Variants in ULK4 observed in about 807,000 individuals in gnomAD.
ULK4 encodes unc-51 like kinase 4.
ULK4 carries 133 observed loss-of-function variants against 160.6 expected under a neutral mutation model. The ratio of observed to expected loss-of-function variants is 0.83; its 90% confidence interval spans 0.72 to 0.96. ULK4 has a LOEUF of 0.96. Ranked by LOEUF, ULK4 falls within the 40% of genes least tolerant of loss-of-function variation. The probability of loss-of-function intolerance (pLI) is 0.00; values close to 1 mark genes in which losing one functional copy is unlikely to be tolerated. For synonymous variants in ULK4, 534 were observed against 539.8 expected (o/e 0.99, Z 0.15); for missense variants, 1,580 against 1,499.5 (o/e 1.05, Z -0.89).
At chr3:41,662,294 C>T (rs899447399) in intron 30 of ULK4, among the ~76,000 whole-genome samples, 10 of 152,124 alleles carry the variant, frequency 6.6e-5, no homozygotes, top group African/African-American at 9.7e-5. Context: ...TAGGGCTCCC[C>T]GGATTCTTTT....
Position 41,705,065 on chromosome 3 carries a change from G to A in ULK4, c.2773C>T (p.Arg925Cys), listed in dbSNP as rs200908650. Residue 925 changes from arginine to cysteine, a missense_variant, in exon 27 of 37, where the codon CGC (arginine) becomes TGC (cysteine). By Grantham distance (180) the Arg-to-Cys change is radical. Coordinates refer to ENST00000301831, the MANE Select transcript of ULK4 (RefSeq NM_017886.4). ...AAGCTGCCAGAACTGACCGTGGAGC[G>A]ATAGTCTTTCAATAAAATAGGATAC... ...IQYPILLKDY[R>C]STVVDYILPP... The A allele has an allele frequency of 4.1e-5, 66 of 1,610,454 alleles. No individual in the cohort carries two copies. Among genetic ancestry groups the A allele is most frequent in the Middle Eastern group, 3.3e-4 (2 of 6,014 alleles).
At chr3:41,402,731 C>T (rs975102860) in intron 34 of ULK4, among the ~76,000 whole-genome samples, 2 of 152,164 alleles carry the variant, frequency 1.3e-5, no homozygotes, top group African/African-American at 4.8e-5. Flanking sequence ...TCTCTTTATA[C>T]ATTGATGTAT....
At chr3:41,341,171 G>T (rs1243913089) in intron 35 of ULK4, among the ~76,000 whole-genome samples, 2 of 152,136 alleles carry the variant, frequency 1.3e-5, no homozygotes, top group Non-Finnish European at 2.9e-5. Context: ...GCTAATAATC[G>T]TCCACTAAAC....
At chr3:41,868,319 AT>A (rs1435755506) in intron 17 of ULK4, among the ~76,000 whole-genome samples, 1 of 152,124 alleles carries the variant, frequency 6.6e-6, no homozygotes, top group Non-Finnish European at 1.5e-5. Context: ...ATGAACTGAA[AT>A]TTTCATTATT....
intron 35 of ULK4, among the ~76,000 whole-genome samples, chr3:41,390,212 G>A (rs979325055): frequency 3.3e-5 from 5 of 152,214 alleles, no homozygotes; most frequent in African/African-American, 1.2e-4. Flanking sequence ...GGGATTGGTG[G>A]TGATATCCCC....
chr3:41,641,212 G>C (rs1217550176), intron 30 of ULK4, among the ~76,000 whole-genome samples: 2 of 152,160 alleles, frequency 1.3e-5, no homozygotes, highest in Admixed American at 6.5e-5. Context: ...ATCAGCCCTG[G>C]TGCAGCAGTG....
At chr3:41,577,820 T>C (rs1256352) in intron 31 of ULK4, among the ~76,000 whole-genome samples, 65,237 of 152,098 alleles carry the variant, frequency 0.43, 15,217 homozygotes, top group Middle Eastern at 0.53. Context: ...TCAGGGCTTA[T>C]AGAGTCAAAG....
In ULK4 at chr3:41,907,900, CT is replaced by C; in HGVS notation, c.1126del (p.Ser376ValfsTer6). 5.6e-6 allele frequency: 9 copies of C among 1,606,642 alleles called. No homozygotes were observed. The highest frequency in any genetic ancestry group is 5.1e-6 in the Non-Finnish European group (6 of 1,176,890). On this transcript the variant is annotated frameshift_variant, in exon 12 of 37. Coordinates refer to ENST00000301831, the MANE Select transcript of ULK4 (RefSeq NM_017886.4). LOFTEE classifies it high-confidence loss of function. ...TPRTSTAVEV[S>X]PGEDMTHCSP... Reference sequence around the variant, plus strand: ...ACAGTGAGTCATATCCTCACCAGGACTTACTTCCACTGCAGTGCTAGTTCTG... The same window carrying C: ...ACAGTGAGTCATATCCTCACCAGGACTACTTCCACTGCAGTGCTAGTTCTG...
chr3:41,247,387 G>A (rs1281708555), intron 36 of ULK4, among the ~76,000 whole-genome samples: 1 of 152,222 alleles, frequency 6.6e-6, no homozygotes, highest in Non-Finnish European at 1.5e-5. Flanking sequence ...GCCCTTTCCA[G>A]CCAATCAGCC....
intron 34 of ULK4, among the ~76,000 whole-genome samples, chr3:41,436,116 A>G (rs2083032061): frequency 6.6e-6 from 1 of 152,216 alleles, no homozygotes; most frequent in Admixed American, 6.5e-5. Context: ...TTTCACTTTC[A>G]ATACAGTAGT....
intron 18 of ULK4, among the ~76,000 whole-genome samples, chr3:41,828,839 T>A (rs1446350229): frequency 6.6e-6 from 1 of 152,028 alleles, no homozygotes; most frequent in Non-Finnish European, 1.5e-5. Flanking sequence ...CATTGCCAAG[T>A]CAATCCTAAG....
intron 30 of ULK4, among the ~76,000 whole-genome samples, chr3:41,642,147 T>G (rs1315772641): frequency 6.6e-6 from 1 of 152,164 alleles, no homozygotes; most frequent in Admixed American, 6.5e-5. Context: ...GTGCCAGGAT[T>G]ACAGGCGTGA....
At chr3:41,701,841 T>C (rs556264338) in intron 27 of ULK4, among the ~76,000 whole-genome samples, 1 of 152,254 alleles carries the variant, frequency 6.6e-6, no homozygotes, top group South Asian at 2.1e-4. Flanking sequence ...AGAAAGTTTC[T>C]TTTTAAGTTT....
At chr3:41,898,141 A>T (rs1698232262) in intron 14 of ULK4, among the ~76,000 whole-genome samples, 1 of 152,166 alleles carries the variant, frequency 6.6e-6, no homozygotes, top group Admixed American at 6.5e-5. Context: ...GCTCTAAGGG[A>T]AGGGAGGAGA....
At chr3:41,469,025 T>G (rs1329954239) in intron 32 of ULK4, among the ~76,000 whole-genome samples, 1 of 152,134 alleles carries the variant, frequency 6.6e-6, no homozygotes, top group Non-Finnish European at 1.5e-5. Context: ...AGCTAGTCAC[T>G]CCAGAAGTGA....
At chr3:41,331,674 C>T (rs2080445241) in intron 35 of ULK4, among the ~76,000 whole-genome samples, 1 of 152,106 alleles carries the variant, frequency 6.6e-6, no homozygotes. Flanking sequence ...GATCCTCTTC[C>T]CTCACCACTC....
chr3:41,774,474 A>G (rs10452021), intron 21 of ULK4, among the ~76,000 whole-genome samples: 158 of 144,670 alleles, frequency 1.1e-3, no homozygotes, highest in African/African-American at 4.0e-3. Context: ...ATGAAAAAAT[A>G]CTCATCATCA....
chr3:41,473,146 G>A (rs1198435882), intron 32 of ULK4, among the ~76,000 whole-genome samples: 2 of 152,082 alleles, frequency 1.3e-5, no homozygotes, highest in South Asian at 2.1e-4. Flanking sequence ...ATTCAATGAT[G>A]AAAAAATAAA....
At chr3:41,618,654 C>A (rs2033095475) in intron 30 of ULK4, among the ~76,000 whole-genome samples, 1 of 152,150 alleles carries the variant, frequency 6.6e-6, no homozygotes, top group Non-Finnish European at 1.5e-5. Context: ...AAACTGGTAC[C>A]ATCCACTGCA....
Sources: allele counts gnomAD v4.1 joint callset (sites outside exome capture counted in the v4.1 genomes callset), GRCh38; gene constraint gnomAD v4.1.1; transcripts MANE v1.5; gene names NCBI Gene and HGNC (gene_info 2026-07-23, HGNC 2026-07-21).